The following COL11A1 variants were observed in gnomAD, a reference collection of about 807,000 sequenced individuals.
COL11A1 encodes collagen alpha-1(XI) chain.
COL11A1 carries 74 observed loss-of-function variants against 265.2 expected under a neutral mutation model. That is an observed-to-expected ratio of 0.28 (90% CI 0.23 to 0.34). COL11A1 has a LOEUF of 0.34. COL11A1 is among the 10% of genes least tolerant of loss of function. The pLI is 1.00. For missense variants in COL11A1, 2,165 were observed against 2,263.6 expected (o/e 0.96, Z 0.88); for synonymous variants, 816 against 727.6 (o/e 1.12, Z -1.96).
intron 5 of COL11A1, among the ~76,000 whole-genome samples, chr1:103,030,700 G>T (rs1299557468): frequency 6.6e-6 from 1 of 151,982 alleles, no homozygotes. Flanking sequence ...CTTTAAGATA[G>T]TTCTAATGTC....
At chr1:102,946,589 A>G (rs146965401) in intron 42 of COL11A1, among the ~76,000 whole-genome samples, 381 of 152,204 alleles carry the variant, frequency 2.5e-3, no homozygotes, top group African/African-American at 8.9e-3. Context: ...TTTTAAAAAA[A>G]GCAAAATGAA....
intron 4 of COL11A1, among the ~76,000 whole-genome samples, chr1:103,043,054 A>AATATATATAATGAAT (rs1668947500): frequency 7.3e-6 from 1 of 136,732 alleles, no homozygotes; most frequent in Admixed American, 7.3e-5. Flanking sequence ...ATATATATGA[A>AATATATATAATGAAT]ACATATATAA....
chr1:102,997,532 G>A (rs1433156044), intron 25 of COL11A1, among the ~76,000 whole-genome samples: 1 of 151,866 alleles, frequency 6.6e-6, no homozygotes, highest in Admixed American at 6.6e-5. Context: ...ATGTGGATGA[G>A]ACATCTGAAA....
At chr1:102,878,397 T>A (rs1022773965) in intron 66 of COL11A1, among the ~76,000 whole-genome samples, 3 of 144,852 alleles carry the variant, frequency 2.1e-5, no homozygotes, top group African/African-American at 5.0e-5. Context: ...TAGTGCTATA[T>A]ATTTTGTAAT....
At chr1:103,090,467 A>G (rs1673232901) in intron 1 of COL11A1, among the ~76,000 whole-genome samples, 1 of 152,174 alleles carries the variant, frequency 6.6e-6, no homozygotes, top group Non-Finnish European at 1.5e-5. Flanking sequence ...CAAAATCATG[A>G]TGGCTCTTAA....
At chr1:103,010,195 T>C (rs888427057) in intron 14 of COL11A1, among the ~76,000 whole-genome samples, 5 of 152,152 alleles carry the variant, frequency 3.3e-5, no homozygotes, top group East Asian at 1.9e-4. Flanking sequence ...ATAATTTTCA[T>C]AGGAAAAATG....
At chr1:102,886,412 C>T (rs957515627) in intron 63 of COL11A1, among the ~76,000 whole-genome samples, 1 of 152,076 alleles carries the variant, frequency 6.6e-6, no homozygotes, top group Non-Finnish European at 1.5e-5. Flanking sequence ...TTACACATAT[C>T]CATATATTCA....
chr1:102,997,315 C>A (rs1431056508), intron 25 of COL11A1, among the ~76,000 whole-genome samples, 191 bp from the exon 26 acceptor site: 1 of 151,840 alleles, frequency 6.6e-6, no homozygotes, highest in African/African-American at 2.4e-5. Flanking sequence ...GTAAACATGA[C>A]AAGCTTATAT....
At chr1:102,889,401 G>GTGTGTGTGTC (rs1651448915) in intron 59 of COL11A1, 54 bp downstream of exon 59, 4 of 1,035,992 alleles carry the variant, frequency 3.9e-6, no homozygotes, top group South Asian at 1.2e-5. Context: ...GTGTGTGTGT[G>GTGTGTGTGTC]TGTGTGTGTA....
In COL11A1 at chr1:103,039,785, G is replaced by C. The variant is rs112870777; in HGVS notation, c.652-8541C>G. 2.7e-3 allele frequency among the ~76,000 whole-genome samples: 406 copies of C among 152,010 alleles called. 2 individuals carry two copies. Among genetic ancestry groups the C allele is most frequent in the South Asian group, 6.6e-3 (32 of 4,814 alleles). On this transcript the variant is annotated intron_variant, in intron 4 of 66. Transcript: ENST00000370096. ...TCTGAAGTTCTGTCTTTGTAACAGA[G>C]CAAAGGTCATTTCAATTGAAAAAAA...
intron 38 of COL11A1, 120 bp downstream of exon 38, chr1:102,965,367 T>G: frequency 9.7e-7 from 1 of 1,032,308 alleles, no homozygotes; most frequent in Non-Finnish European, 1.5e-6. Context: ...AAATGCAATC[T>G]GAAATAAAAA....
At chr1:103,035,268 T>C (rs1404665384) in intron 4 of COL11A1, among the ~76,000 whole-genome samples, 1 of 152,072 alleles carries the variant, frequency 6.6e-6, no homozygotes, top group Non-Finnish European at 1.5e-5. Flanking sequence ...TTAAATCTTC[T>C]TTTTAGTGTT....
At chr1:102,934,012 C>G (rs1193377473) in intron 46 of COL11A1, among the ~76,000 whole-genome samples, 1 of 152,188 alleles carries the variant, frequency 6.6e-6, no homozygotes, top group Admixed American at 6.5e-5. Flanking sequence ...TGAGATGAAC[C>G]CGGTACCTCA....
chr1:102,923,273 T>C, intron 47 of COL11A1, 63 bp downstream of exon 47: 2 of 1,324,570 alleles, frequency 1.5e-6, no homozygotes, highest in South Asian at 2.5e-5. Context: ...CATAATACTT[T>C]ACAAACCAGT....
chr1:103,103,109 C>T (rs997778431), intron 1 of COL11A1, among the ~76,000 whole-genome samples: 2 of 151,710 alleles, frequency 1.3e-5, no homozygotes, highest in African/African-American at 2.4e-5. Context: ...AAATAAAAAC[C>T]TTTATTAGAA....
chr1:102,911,477 G>A (rs991471610), intron 54 of COL11A1, among the ~76,000 whole-genome samples: 1 of 152,072 alleles, frequency 6.6e-6, no homozygotes, highest in African/African-American at 2.4e-5. Context: ...TTACTCATGT[G>A]CCGGTTTGAA....
At chr1:102,916,373 C>CA (rs1423965120) in intron 49 of COL11A1, among the ~76,000 whole-genome samples, 1 of 151,994 alleles carries the variant, frequency 6.6e-6, no homozygotes. Context: ...TAATGCCCCA[C>CA]AATTCAAAAT....
rs1570630052 is a variant in COL11A1 at position 102,886,995 on chromosome 1, T to C, written c.4670A>G (p.His1557Arg). 8.1e-6 allele frequency: 13 copies of C among 1,613,982 alleles called. No individual in the cohort carries two copies. The highest frequency in any genetic ancestry group is 1.1e-5 in the Non-Finnish European group (13 of 1,179,864). ...TGCATCTGCTTGCATGCCTTCAGTATGTCTTCTCGTTTTTTTGGAGGACAA... is the reference window on the plus strand; with the variant it reads ...TGCATCTGCTTGCATGCCTTCAGTACGTCTTCTCGTTTTTTTGGAGGACAA... ...PILSSKKTRR[H>R]TEGMQADADD... The change falls in exon 63 of 67, where the codon CAT becomes CGT. Residue 1557 changes from histidine to arginine, a missense_variant. Coordinates refer to ENST00000370096, the MANE Select transcript of COL11A1 (RefSeq NM_001854.4).
chr1:102,892,297 T>A (rs935638591), intron 57 of COL11A1, among the ~76,000 whole-genome samples: 6 of 152,190 alleles, frequency 3.9e-5, no homozygotes, highest in African/African-American at 1.4e-4. Flanking sequence ...TCACCACTAT[T>A]GTATCTTCTA....
Sources: gnomAD v4.1 joint callset for allele counts (sites outside exome capture counted in the v4.1 genomes callset) on GRCh38, gnomAD v4.1.1 for gene constraint, MANE v1.5 for transcripts, NCBI Gene and HGNC (gene_info 2026-07-23, HGNC 2026-07-21) for gene names.